The following MIGA1 variants were observed in gnomAD, a reference collection of about 807,000 sequenced individuals.
The protein encoded by MIGA1 is family with sequence similarity 73, member A.
MIGA1 carries 58 observed loss-of-function variants against 82.0 expected under a neutral mutation model. The observed-to-expected ratio is 0.71, with a 90% CI of 0.57 to 0.88. MIGA1 has a LOEUF of 0.88. Among genes scored for constraint, MIGA1 ranks in the 40% least tolerant of loss-of-function variants. MIGA1 has a pLI of 0.00. For synonymous variants in MIGA1, 249 were observed against 253.6 expected (o/e 0.98, Z 0.17); for missense variants, 751 against 749.1 (o/e 1.00, Z -0.03).
At position 77,875,177 on chromosome 1, in the gene MIGA1, GA is replaced by G. The variant is rs1023813970; in HGVS notation, c.*122del. 1.6e-4 allele frequency: 131 copies of G among 823,904 alleles called. No homozygotes were observed. Among genetic ancestry groups the G allele is most frequent in the Admixed American group, 6.1e-4 (21 of 34,618 alleles). The allele number at this position is 823,904 out of a possible 1,614,324, so 51.0% of individuals were successfully genotyped here. ...AATTGATGCATGTGGATTCAGGGAG[GA>G]AAAAAAAATCTACTAAAAAATGAGC... On this transcript the variant is annotated 3_prime_UTR_variant, in exon 16 of 16. Transcript: ENST00000370791.
chr1:77,829,762 C>T (rs1016166968), intron 7 of MIGA1, among the ~76,000 whole-genome samples: 8 of 152,114 alleles, frequency 5.3e-5, no homozygotes, highest in South Asian at 4.2e-4. Flanking sequence ...TGACCCACTG[C>T]GCCCGGCCGT....
chr1:77,792,528 A>G (rs564791492), intron 2 of MIGA1, among the ~76,000 whole-genome samples: 2 of 152,214 alleles, frequency 1.3e-5, no homozygotes, highest in African/African-American at 2.4e-5. Context: ...AAGTTTCTAC[A>G]GTTTGTTTCA....
At chr1:77,811,297 G>T in intron 5 of MIGA1, 2 of 1,600,398 alleles carry the variant, frequency 1.2e-6, no homozygotes, top group East Asian at 4.5e-5. Flanking sequence ...TCCTGGTTCC[G>T]ATGGCAACCT....
intron 8 of MIGA1, chr1:77,848,375 A>G: frequency 9.1e-7 from 1 of 1,102,970 alleles, no homozygotes; most frequent in East Asian, 2.6e-5. Context: ...AGAAAAGCAA[A>G]GCAAAGGAAG....
chr1:77,820,175 C>T (rs1375961485), intron 7 of MIGA1, among the ~76,000 whole-genome samples: 1 of 141,848 alleles, frequency 7.0e-6, no homozygotes. Flanking sequence ...GCTCATGTGT[C>T]TTTCTTCCTT....
chr1:77,781,001 G>T (rs572608085), intron 1 of MIGA1, among the ~76,000 whole-genome samples: 37 of 151,236 alleles, frequency 2.4e-4, no homozygotes, highest in Non-Finnish European at 4.4e-4. Flanking sequence ...CCGCCCCTAG[G>T]GTTCTAGAAG....
At chr1:77,828,427 A>G (rs1390908789) in intron 7 of MIGA1, among the ~76,000 whole-genome samples, 2 of 152,206 alleles carry the variant, frequency 1.3e-5, no homozygotes, top group Non-Finnish European at 2.9e-5. Flanking sequence ...CCTGCAGGTA[A>G]TATCTGAATG....
chr1:77,848,353 G>T, intron 8 of MIGA1: 1 of 1,224,898 alleles, frequency 8.2e-7, no homozygotes, highest in South Asian at 1.3e-5. Flanking sequence ...AGTGAGAAAG[G>T]AGAGAAGGAA....
chr1:77,807,517 A>T (rs1683147085), intron 5 of MIGA1, among the ~76,000 whole-genome samples: 1 of 152,134 alleles, frequency 6.6e-6, no homozygotes, highest in South Asian at 2.1e-4. Flanking sequence ...TATAATTTTA[A>T]ATGTTCTTAT....
At chr1:77,873,389 A>T (rs1387967399) in intron 15 of MIGA1, among the ~76,000 whole-genome samples, 2 of 152,174 alleles carry the variant, frequency 1.3e-5, no homozygotes, top group Non-Finnish European at 2.9e-5. Flanking sequence ...TCAATTCCCT[A>T]ATGCAAGGGA....
In MIGA1 at chr1:77,871,137, A is replaced by AGAGGGC. The variant is rs1685980238; in HGVS notation, c.1564-1866_1564-1861dup. ...AGGGAGAGGGAGAGGAGGGAGAGGG[A>AGAGGGC]GAGGGCAGCACATTTTCTAGAATAT... On this transcript the variant is annotated intron_variant, in intron 14 of 15. Transcript: ENST00000370791. Among the ~76,000 whole-genome samples the AGAGGGC allele has an allele frequency of 6.9e-5, 10 of 144,720 alleles. 1 individual carries two copies. Among genetic ancestry groups the AGAGGGC allele is most frequent in the Non-Finnish European group, 1.4e-4 (9 of 65,590 alleles). 94.9% of individuals were successfully genotyped at this position (144,720 alleles called of 152,430 possible).
At chr1:77,847,777 G>A in intron 8 of MIGA1, 1 of 1,589,052 alleles carries the variant, frequency 6.3e-7, no homozygotes, top group Non-Finnish European at 8.6e-7. Flanking sequence ...GAGAAATCAA[G>A]GGGCTACTCT....
chr1:77,875,931 G>C lies in MIGA1; in HGVS notation c.*867G>C, dbSNP rs532987303. ...GCGGATCACCTGAGGTCAGGTGTTCGAGACCAGCCTCCCCAATATGGTGAA... is the reference window on the plus strand; with the variant it reads ...GCGGATCACCTGAGGTCAGGTGTTCCAGACCAGCCTCCCCAATATGGTGAA... On this transcript the variant is annotated 3_prime_UTR_variant, in exon 16 of 16. Transcript: ENST00000370791. 1.3e-5 allele frequency: 2 copies of C among 152,018 alleles called. No homozygotes were observed. The highest frequency in any genetic ancestry group is 4.8e-5 in the African/African-American group (2 of 41,358). 9.4% of individuals were successfully genotyped at this position (152,018 alleles called of 1,614,324 possible).
chr1:77,836,676 G>T (rs896445691), intron 7 of MIGA1, among the ~76,000 whole-genome samples: 2 of 152,168 alleles, frequency 1.3e-5, no homozygotes, highest in East Asian at 3.8e-4. Context: ...GTGGTAAGTA[G>T]CAAATCTTAG....
intron 1 of MIGA1, among the ~76,000 whole-genome samples, chr1:77,782,144 A>G (rs758551036): frequency 6.6e-6 from 1 of 152,152 alleles, no homozygotes; most frequent in Non-Finnish European, 1.5e-5. Flanking sequence ...CCCAGCCGCA[A>G]ATAAACTTTT....
chr1:77,800,900 G>A (rs1386070273), intron 2 of MIGA1, among the ~76,000 whole-genome samples: 30 of 152,036 alleles, frequency 2.0e-4, no homozygotes, highest in Admixed American at 2.0e-3. Context: ...TGAATAAAAT[G>A]GCTTATTTAG....
intron 2 of MIGA1, among the ~76,000 whole-genome samples, chr1:77,794,209 C>T (rs1682559513): frequency 6.6e-6 from 1 of 152,180 alleles, no homozygotes. Context: ...TCTAATACAA[C>T]TATCAAAACT....
chr1:77,858,696 A>G (rs1571006018), intron 8 of MIGA1, among the ~76,000 whole-genome samples: 1 of 152,230 alleles, frequency 6.6e-6, no homozygotes, highest in South Asian at 2.1e-4. Context: ...ACAGCTCACT[A>G]CAACTTCAAC....
chr1:77,801,356 AGTT>A lies in MIGA1; in HGVS notation c.225_227del (p.Leu75del). 6.4e-7 allele frequency: 1 copy of A among 1,558,902 alleles called. No homozygotes were observed. Among genetic ancestry groups the A allele is most frequent in the Non-Finnish European group, 8.6e-7 (1 of 1,163,110 alleles). On this transcript the variant is annotated inframe_deletion, in exon 3 of 16. Transcript: ENST00000370791. ...ATCAAATTTTCTCCGGTGGCTAAAA[AGTT>A]GTTTGTGGTAACTGCAGTGAGTGCT...
Sources: gnomAD v4.1 joint callset for allele counts (sites outside exome capture counted in the v4.1 genomes callset) on GRCh38, gnomAD v4.1.1 for gene constraint, MANE v1.5 for transcripts, NCBI Gene and HGNC (gene_info 2026-07-23, HGNC 2026-07-21) for gene names.